PRPF6: variants seen among roughly 807,000 people sequenced by gnomAD.
PRPF6 encodes the protein pre-mRNA processing factor 6.
In PRPF6, 42 loss-of-function variants were observed where a neutral mutation model predicts 118.3. The observed-to-expected ratio is 0.35, with a 90% CI of 0.28 to 0.46. The LOEUF (loss-of-function observed/expected upper bound fraction) is 0.46. Among genes scored for constraint, PRPF6 ranks in the 20% least tolerant of loss-of-function variants. PRPF6 has a pLI of 1.00. For synonymous variants in PRPF6, 481 were observed against 485.1 expected (o/e 0.99, Z 0.11); for missense variants, 662 against 1,255.7 (o/e 0.53, Z 7.15).
Position 63,983,182 on chromosome 20 carries a change from C to T in PRPF6, c.207C>T (p.Asp69=), listed in dbSNP as rs1264785028. ...QMKKNQAADD[D]DEDLNDTNYD... The stretch of plus-strand genomic sequence containing the variant: ...AGAAAAATCAGGCTGCTGACGATGA[C>T]GACGAGGATCTAAATGACACCAATT... The change falls in exon 2 of 21, where the codon GAC becomes GAT. Residue 69 remains aspartate (D), a synonymous_variant. Transcript: ENST00000266079. 3.1e-6 allele frequency: 5 copies of T among 1,614,174 alleles called. No homozygotes were observed. Among genetic ancestry groups the T allele is most frequent in the African/African-American group, 1.3e-5 (1 of 75,046 alleles).
chr20:63,990,273 CA>C (rs2059112664), intron 3 of PRPF6, among the ~76,000 whole-genome samples: 1 of 152,126 alleles, frequency 6.6e-6, no homozygotes, highest in African/African-American at 2.4e-5. Flanking sequence ...GGCCCCACCT[CA>C]AACATTGGGA....
intron 3 of PRPF6, among the ~76,000 whole-genome samples, chr20:63,987,819 TGGGTGGATCACCTGAG>T (rs1264194802): frequency 6.6e-6 from 1 of 150,462 alleles, no homozygotes; most frequent in Non-Finnish European, 1.5e-5. Flanking sequence ...AGGCTGAGGG[TGGGTGGATCACCTGAG>T]GTCAGGAGTT....
chr20:63,987,197 G>C (rs1222345951), intron 3 of PRPF6, among the ~76,000 whole-genome samples: 1 of 149,564 alleles, frequency 6.7e-6, no homozygotes, highest in Non-Finnish European at 1.5e-5. Flanking sequence ...AAAGGGGGGG[G>C]GAGCATAACA....
intron 1 of PRPF6, among the ~76,000 whole-genome samples, chr20:63,982,786 C>A (rs1342582192): frequency 5.3e-5 from 8 of 151,996 alleles, no homozygotes; most frequent in Admixed American, 5.2e-4. Context: ...GTTTAAGGGC[C>A]TGGTTGGATG....
At chr20:64,000,971 C>A in intron 8 of PRPF6, 106 bp from the exon 9 acceptor site, 1 of 1,298,286 alleles carries the variant, frequency 7.7e-7, no homozygotes, top group Non-Finnish European at 1.1e-6. Flanking sequence ...AATTGGCTTT[C>A]GTAAATTCTG....
At chr20:63,993,776 G>T (rs2059129355) in intron 4 of PRPF6, among the ~76,000 whole-genome samples, 1 of 150,570 alleles carries the variant, frequency 6.6e-6, no homozygotes, top group Non-Finnish European at 1.5e-5. Flanking sequence ...TTTGGAGGCA[G>T]TCTGGCTCTG....
At chr20:64,010,409 C>T (rs2059211414) in intron 10 of PRPF6, 91 bp downstream of exon 10, 2 of 1,080,422 alleles carry the variant, frequency 1.9e-6, no homozygotes, top group South Asian at 1.2e-5. Flanking sequence ...ACAAGTGGAG[C>T]ATTGAGCTCA....
At chr20:64,014,173 C>G (rs941382564) in intron 11 of PRPF6, among the ~76,000 whole-genome samples, 1 of 152,008 alleles carries the variant, frequency 6.6e-6, no homozygotes, top group African/African-American at 2.4e-5. Flanking sequence ...CTCCTGAGCT[C>G]AGATGATCCA....
At chr20:63,984,775 T>A (rs969607000) in intron 2 of PRPF6, 132 bp from the exon 3 acceptor site, 2 of 688,490 alleles carry the variant, frequency 2.9e-6, no homozygotes, top group Non-Finnish European at 5.2e-6. Context: ...TATGGTAGAC[T>A]GTCCCTTGAT....
In PRPF6 at chr20:64,025,178, T is replaced by C. The variant is rs35414128; in HGVS notation, c.1908+485T>C. Among the ~76,000 whole-genome samples, 362 of 152,248 alleles carry C rather than the reference T, an allele frequency of 2.4e-3. 1 individual carries two copies. The highest frequency in any genetic ancestry group is 4.4e-3 in the Non-Finnish European group (296 of 68,010). On this transcript the variant is annotated intron_variant, in intron 14 of 20. Coordinates refer to ENST00000266079, the MANE Select transcript of PRPF6 (RefSeq NM_012469.4). ...TGTAGCTCAGGCTAATATCATAGAG[T>C]GTGCCCTTCTTTGAGCAAATACCAT...
chr20:64,021,790 G>C (rs1479396677), intron 12 of PRPF6, among the ~76,000 whole-genome samples: 1 of 150,658 alleles, frequency 6.6e-6, no homozygotes, highest in African/African-American at 2.5e-5. Context: ...GTGTGTGCGT[G>C]TGTATGCGTG....
At position 64,021,944 on chromosome 20, in the gene PRPF6, CGTGT is replaced by C. The variant is rs199733742; in HGVS notation, c.1648-801_1648-798del. Among the ~76,000 whole-genome samples the C allele has an allele frequency of 1.9e-4, 12 of 62,670 alleles. No homozygotes were observed. In the East Asian group the frequency reaches 4.1e-3, roughly 22 times the overall value. The allele number at this position is 62,670 out of a possible 152,430, so 41.1% of individuals were successfully genotyped here. ...TGCCTCAGCCACAGCCGTGTGTGTG[CGTGT>C]GTGTGTGTGTGCACGTATGCATATG... On this transcript the variant is annotated intron_variant, in intron 12 of 20. Transcript: ENST00000266079.
intron 9 of PRPF6, among the ~76,000 whole-genome samples, chr20:64,008,399 C>T (rs1316540908): frequency 6.6e-6 from 1 of 151,984 alleles, no homozygotes; most frequent in African/African-American, 2.4e-5. Flanking sequence ...GATTTGGAGA[C>T]TCATAAGAGT....
At chr20:64,031,425 C>A (rs2059313144) in intron 19 of PRPF6, among the ~76,000 whole-genome samples, 1 of 152,048 alleles carries the variant, frequency 6.6e-6, no homozygotes, top group Non-Finnish European at 1.5e-5. Context: ...GCCTATAATC[C>A]CAGCACTGGG....
intron 9 of PRPF6, among the ~76,000 whole-genome samples, chr20:64,001,576 TC>T (rs1378487265): frequency 2.0e-5 from 3 of 152,174 alleles, no homozygotes; most frequent in Admixed American, 1.3e-4. Context: ...GTCCTGGGGC[TC>T]TGGAGATGGT....
intron 9 of PRPF6, among the ~76,000 whole-genome samples, chr20:64,006,670 C>G (rs796988826): frequency 1.2e-4 from 19 of 152,280 alleles, no homozygotes; most frequent in African/African-American, 4.3e-4. Context: ...AGACGGGACT[C>G]TTGGCAGTGG....
At chr20:63,981,384 T>C in intron 1 of PRPF6, 68 bp downstream of exon 1, 1 of 1,463,898 alleles carries the variant, frequency 6.8e-7, no homozygotes, top group Non-Finnish European at 9.3e-7. Flanking sequence ...TGGGGCGTGT[T>C]TGGGGGCGGG....
chr20:63,981,652 CCG>C (rs2059068872), intron 1 of PRPF6, among the ~76,000 whole-genome samples: 2 of 143,808 alleles, frequency 1.4e-5, no homozygotes, highest in African/African-American at 2.6e-5. Context: ...CTCCCCCCCC[CCG>C]CCCGCCCGCC....
At chr20:63,999,843 T>G in intron 8 of PRPF6, 84 bp downstream of exon 8, 1 of 1,527,960 alleles carries the variant, frequency 6.5e-7, no homozygotes, top group Non-Finnish European at 8.9e-7. Context: ...GCAAATCTCT[T>G]TGTCTTTTGG....
Sources: allele counts gnomAD v4.1 joint callset (sites outside exome capture counted in the v4.1 genomes callset), GRCh38; gene constraint gnomAD v4.1.1; transcripts MANE v1.5; gene names NCBI Gene and HGNC (gene_info 2026-07-23, HGNC 2026-07-21).